The following CFAP299 variants were observed in gnomAD, a reference collection of about 807,000 sequenced individuals.
CFAP299 encodes the protein cilia- and flagella-associated protein 299.
CFAP299 carries 21 observed loss-of-function variants against 27.0 expected under a neutral mutation model. The observed-to-expected ratio is 0.78, with a 90% CI of 0.55 to 1.12. The LOEUF (loss-of-function observed/expected upper bound fraction) is 1.12. Among genes scored for constraint, CFAP299 ranks in the 50% most tolerant of loss-of-function variants. The probability of loss-of-function intolerance (pLI) is 0.00; values close to 1 mark genes in which losing one functional copy is unlikely to be tolerated. For synonymous variants in CFAP299, 104 were observed against 98.1 expected, an observed-to-expected ratio of 1.06 and a Z score of -0.36; for missense variants, 310 against 276.6, an observed-to-expected ratio of 1.12 and a Z score of -0.86.
chr4:80,657,218 G>C (rs1740601462), intron 3 of CFAP299, among the ~76,000 whole-genome samples: 1 of 152,182 alleles, frequency 6.6e-6, no homozygotes, highest in South Asian at 2.1e-4. Context: ...CTGTGCAGAA[G>C]TTCTTTAGTT....
chr4:80,450,575 A>T (rs1404495490), intron 2 of CFAP299, among the ~76,000 whole-genome samples: 1 of 152,086 alleles, frequency 6.6e-6, no homozygotes, highest in Non-Finnish European at 1.5e-5. Flanking sequence ...ATCTTTGTGC[A>T]CTGATGGTTA....
At chr4:80,433,792 A>C (rs1727935077) in intron 2 of CFAP299, among the ~76,000 whole-genome samples, 1 of 152,174 alleles carries the variant, frequency 6.6e-6, no homozygotes. Context: ...TTGAAGTTAT[A>C]ATATTACATT....
intron 3 of CFAP299, among the ~76,000 whole-genome samples, chr4:80,738,950 G>A (rs527912709): frequency 6.6e-5 from 10 of 151,890 alleles, no homozygotes; most frequent in African/African-American, 2.4e-4. Context: ...AGGCTTGCAG[G>A]TACTATCTTA....
intron 2 of CFAP299, among the ~76,000 whole-genome samples, chr4:80,503,833 C>T (rs1731859331): frequency 6.6e-6 from 1 of 151,984 alleles, no homozygotes; most frequent in African/African-American, 2.4e-5. Context: ...AAAGGGATGC[C>T]AAAACATTAA....
chr4:80,801,331 TC>T (rs1481334376), intron 3 of CFAP299, among the ~76,000 whole-genome samples: 1 of 152,046 alleles, frequency 6.6e-6, no homozygotes, highest in Non-Finnish European at 1.5e-5. Context: ...TGGAATGGAA[TC>T]TATGATTGAC....
chr4:80,739,974 C>T (rs1724159789), intron 3 of CFAP299, among the ~76,000 whole-genome samples: 1 of 152,078 alleles, frequency 6.6e-6, no homozygotes, highest in South Asian at 2.1e-4. Flanking sequence ...ATGTCATTTG[C>T]ATTTTTAAAC....
intron 2 of CFAP299, among the ~76,000 whole-genome samples, chr4:80,463,372 A>G (rs1320180844): frequency 6.6e-6 from 1 of 152,212 alleles, no homozygotes; most frequent in Non-Finnish European, 1.5e-5. Context: ...TCCTCTGTGA[A>G]GAATTTTATG....
At chr4:80,883,290 A>T (rs978504029) in intron 4 of CFAP299, among the ~76,000 whole-genome samples, 1 of 152,134 alleles carries the variant, frequency 6.6e-6, no homozygotes, top group African/African-American at 2.4e-5. Context: ...CCTGTGCAAG[A>T]TACAGAAAAT....
At chr4:80,880,859 A>G (rs1578208474) in intron 4 of CFAP299, among the ~76,000 whole-genome samples, 1 of 152,354 alleles carries the variant, frequency 6.6e-6, no homozygotes, top group East Asian at 1.9e-4. Context: ...GCCTTAGTAC[A>G]TGATTTCTCC....
At chr4:80,923,746 C>T (rs887596941) in intron 4 of CFAP299, among the ~76,000 whole-genome samples, 32 of 151,974 alleles carry the variant, frequency 2.1e-4, no homozygotes, top group Admixed American at 2.6e-4. Context: ...AGTATCAGGA[C>T]TCCTAGAAAT....
chr4:80,845,867 G>A (rs1373703198), intron 3 of CFAP299, among the ~76,000 whole-genome samples: 3 of 151,970 alleles, frequency 2.0e-5, no homozygotes, highest in African/African-American at 4.8e-5. Context: ...CTAATAAATT[G>A]TGACTTATTT....
At chr4:80,791,356 C>T (rs1314145271) in intron 3 of CFAP299, among the ~76,000 whole-genome samples, 1 of 151,944 alleles carries the variant, frequency 6.6e-6, no homozygotes, top group Non-Finnish European at 1.5e-5. Flanking sequence ...ACCTCCTTGA[C>T]TCTCAATCAA....
At chr4:80,902,361 TAAAA>T in intron 4 of CFAP299, among the ~76,000 whole-genome samples, 1 of 142,922 alleles carries the variant, frequency 7.0e-6, no homozygotes, top group South Asian at 2.2e-4. Flanking sequence ...TATATATGGA[TAAAA>T]TATAGATTAT....
chr4:80,782,063 C>T (rs559835303), intron 3 of CFAP299, among the ~76,000 whole-genome samples: 34 of 152,098 alleles, frequency 2.2e-4, no homozygotes, highest in Non-Finnish European at 3.4e-4. Flanking sequence ...TAGGCATCCC[C>T]GCTTTCCCTT....
At chr4:80,935,323 C>G (rs1736835196) in intron 4 of CFAP299, among the ~76,000 whole-genome samples, 2 of 152,094 alleles carry the variant, frequency 1.3e-5, no homozygotes, top group Non-Finnish European at 2.9e-5. Flanking sequence ...CTCTACAAGG[C>G]TACAGTAACC....
intron 3 of CFAP299, among the ~76,000 whole-genome samples, chr4:80,748,455 T>A (rs557425835): frequency 6.6e-6 from 1 of 152,258 alleles, no homozygotes; most frequent in South Asian, 2.1e-4. Flanking sequence ...TGCAGATTTC[T>A]CTAGCTTAAT....
At chr4:80,815,717 A>G (rs1314452265) in intron 3 of CFAP299, among the ~76,000 whole-genome samples, 1 of 151,924 alleles carries the variant, frequency 6.6e-6, no homozygotes, top group African/African-American at 2.4e-5. Flanking sequence ...TCCAAATCAA[A>G]CATAAAAATG....
intron 4 of CFAP299, among the ~76,000 whole-genome samples, chr4:80,936,007 A>G (rs1023600054): frequency 3.3e-5 from 5 of 152,172 alleles, no homozygotes; most frequent in African/African-American, 1.2e-4. Flanking sequence ...CAAAACCACA[A>G]TGAGATGCCA....
At chr4:80,531,352 A>G (rs1733454415) in intron 2 of CFAP299, among the ~76,000 whole-genome samples, 1 of 152,200 alleles carries the variant, frequency 6.6e-6, no homozygotes, top group Admixed American at 6.5e-5. Flanking sequence ...GTTAGTGTAT[A>G]GTGCATAATT....
Sources: gnomAD v4.1 joint callset for allele counts (sites outside exome capture counted in the v4.1 genomes callset) on GRCh38, gnomAD v4.1.1 for gene constraint, MANE v1.5 for transcripts, NCBI Gene and HGNC (gene_info 2026-07-23, HGNC 2026-07-21) for gene names.